EYS: variants seen among roughly 807,000 people sequenced by gnomAD.
The protein encoded by EYS is EGF-like photoreceptor maintenance factor.
In EYS, 250 loss-of-function variants were observed where a neutral mutation model predicts 282.1. The ratio of observed to expected loss-of-function variants is 0.89; its 90% CI spans 0.80 to 0.98. The LOEUF (loss-of-function observed/expected upper bound fraction) is 0.98, where lower values mean the gene tolerates loss of function less well. EYS is among the 50% of genes least tolerant of loss of function. The probability of loss-of-function intolerance (pLI) is 0.00; values close to 1 mark genes in which losing one functional copy is unlikely to be tolerated. For synonymous variants in EYS, 1,355 were observed against 1,282.9 expected (o/e 1.06, Z -1.20); for missense variants, 4,016 against 3,709.0 (o/e 1.08, Z -2.15).
chr6:65,612,265 T>A (rs2149795688), intron 2 of EYS, among the ~76,000 whole-genome samples: 1 of 151,228 alleles, frequency 6.6e-6, no homozygotes, highest in Middle Eastern at 3.5e-3. Context: ...ATGTATGACA[T>A]ATAATCCTGG....
chr6:64,508,270 T>C (rs1181531803), intron 26 of EYS, among the ~76,000 whole-genome samples: 1 of 152,032 alleles, frequency 6.6e-6, no homozygotes, highest in African/African-American at 2.4e-5. Flanking sequence ...AGTTATTCTG[T>C]GTTGATCAAA....
intron 13 of EYS, among the ~76,000 whole-genome samples, chr6:65,017,769 T>C (rs1204100366): frequency 1.3e-5 from 2 of 152,236 alleles, no homozygotes; most frequent in Non-Finnish European, 2.9e-5. Flanking sequence ...TTCCTATCTC[T>C]TCTATAGTTC....
At chr6:65,149,444 C>G (rs1415273109) in intron 12 of EYS, among the ~76,000 whole-genome samples, 1 of 152,140 alleles carries the variant, frequency 6.6e-6, no homozygotes, top group Non-Finnish European at 1.5e-5. Flanking sequence ...GTCCAAATCA[C>G]TATTAGCATT....
intron 2 of EYS, among the ~76,000 whole-genome samples, chr6:65,522,340 C>T (rs1044644988): frequency 9.2e-5 from 14 of 152,092 alleles, no homozygotes; most frequent in Non-Finnish European, 1.9e-4. Context: ...GTGGCTCATG[C>T]CTGTAATCCC....
chr6:64,560,923 A>C (rs536278744), intron 26 of EYS, among the ~76,000 whole-genome samples: 4 of 152,260 alleles, frequency 2.6e-5, no homozygotes, highest in Admixed American at 2.0e-4. Context: ...TTTGATGCAC[A>C]TTGATGCAAG....
chr6:64,744,559 A>C (rs1342670770), intron 22 of EYS, among the ~76,000 whole-genome samples: 1 of 152,194 alleles, frequency 6.6e-6, no homozygotes, highest in Admixed American at 6.5e-5. Context: ...ACTAAAAGTT[A>C]AACAATCTGG....
intron 5 of EYS, among the ~76,000 whole-genome samples, chr6:65,457,346 G>A (rs58655702): frequency 0.047 from 7,095 of 151,180 alleles, 455 homozygotes; most frequent in African/African-American, 0.14. Flanking sequence ...TTTTTTTTCC[G>A]TAGAGATGGG....
Position 64,168,310 on chromosome 6 carries a change from G to T in EYS, c.6424+62282C>A, listed in dbSNP as rs570064621. Among the ~76,000 whole-genome samples the T allele has an allele frequency of 2.0e-5, 3 of 151,518 alleles. No homozygotes were observed. The East Asian group carries it at 5.8e-4, about 29-fold the overall frequency. On this transcript the variant is annotated intron_variant, in intron 31 of 42. Coordinates refer to ENST00000503581, the MANE Select transcript of EYS (RefSeq NM_001142800.2). Reference sequence around the variant, plus strand: ...AAGCCAGATAATAACAAATGGGTGAGAATGTAGAGAAGTGGGAAAACTTGT... The same window carrying T: ...AAGCCAGATAATAACAAATGGGTGATAATGTAGAGAAGTGGGAAAACTTGT...
intron 26 of EYS, among the ~76,000 whole-genome samples, chr6:64,562,235 C>A (rs77723823): frequency 6.6e-6 from 1 of 151,386 alleles, no homozygotes; most frequent in African/African-American, 2.4e-5. Flanking sequence ...TTATTCTTTT[C>A]CTTATTAATT....
At chr6:65,362,044 C>T in intron 8 of EYS, among the ~76,000 whole-genome samples, 1 of 122,990 alleles carries the variant, frequency 8.1e-6, no homozygotes, top group East Asian at 2.3e-4. Context: ...AGAACCTGTT[C>T]TTCCCATATT....
At chr6:64,266,350 G>C (rs1767760536) in intron 30 of EYS, among the ~76,000 whole-genome samples, 1 of 151,760 alleles carries the variant, frequency 6.6e-6, no homozygotes, top group African/African-American at 2.4e-5. Flanking sequence ...AATTCCTGTG[G>C]GAAAGCAAAA....
At chr6:64,334,966 A>C (rs644574) in intron 29 of EYS, among the ~76,000 whole-genome samples, 108,953 of 151,868 alleles carry the variant, frequency 0.72, 39,288 homozygotes, top group African/African-American at 0.79. Flanking sequence ...CTGTCTCCTG[A>C]CACTTCTCAT....
intron 22 of EYS, among the ~76,000 whole-genome samples, chr6:64,653,297 C>T (rs1255484184): frequency 1.3e-5 from 2 of 152,082 alleles, no homozygotes; most frequent in African/African-American, 2.4e-5. Context: ...TAGCACCAAA[C>T]TATGAAACAA....
At position 64,052,833 on chromosome 6, in the gene EYS, C is replaced by T. The variant is rs139608610; in HGVS notation, c.6725+13505G>A. Among the ~76,000 whole-genome samples, 9 of 152,264 alleles carry T rather than the reference C, an allele frequency of 5.9e-5. No homozygotes were observed. In the South Asian group the frequency reaches 1.0e-3, roughly 18 times the overall value. On this transcript the variant is annotated intron_variant, in intron 33 of 42. Coordinates refer to ENST00000503581, the MANE Select transcript of EYS (RefSeq NM_001142800.2). ...CTTGCACTCATTCTCTCTTCTGCCACCCTGCGAAGAGGTGCCTTCTGCCAT... is the reference window on the plus strand; with the variant it reads ...CTTGCACTCATTCTCTCTTCTGCCATCCTGCGAAGAGGTGCCTTCTGCCAT...
intron 5 of EYS, among the ~76,000 whole-genome samples, chr6:65,485,063 A>G (rs1582359363): frequency 6.6e-6 from 1 of 152,208 alleles, no homozygotes; most frequent in East Asian, 1.9e-4. Flanking sequence ...ATATTTTACT[A>G]TGCACTGATG....
intron 19 of EYS, among the ~76,000 whole-genome samples, chr6:64,829,221 A>C (rs73767115): frequency 0.15 from 23,164 of 151,936 alleles, 2,018 homozygotes; most frequent in East Asian, 0.44. Context: ...AATAGCCATA[A>C]AGAAATAACT....
intron 29 of EYS, among the ~76,000 whole-genome samples, chr6:64,313,027 T>C (rs1016849501): frequency 6.6e-6 from 1 of 152,194 alleles, no homozygotes; most frequent in Non-Finnish European, 1.5e-5. Flanking sequence ...GGATGAACAA[T>C]GAGTTTGATG....
intron 35 of EYS, among the ~76,000 whole-genome samples, chr6:63,939,895 G>C (rs1290997310): frequency 3.3e-5 from 5 of 152,192 alleles, no homozygotes; most frequent in African/African-American, 1.2e-4. Flanking sequence ...CAAATGTAAA[G>C]ATGCAGTATT....
At chr6:63,967,090 A>G (rs1307369747) in intron 35 of EYS, among the ~76,000 whole-genome samples, 1 of 152,210 alleles carries the variant, frequency 6.6e-6, no homozygotes. Context: ...TTTAGGTAAA[A>G]TAAGTGTCAC....
Sources: allele counts gnomAD v4.1 joint callset (sites outside exome capture counted in the v4.1 genomes callset), GRCh38; gene constraint gnomAD v4.1.1; transcripts MANE v1.5; gene names NCBI Gene and HGNC (gene_info 2026-07-23, HGNC 2026-07-21).